The following ZC3H12B variants were observed in gnomAD, a reference collection of about 807,000 sequenced individuals.
ZC3H12B encodes probable ribonuclease ZC3H12B.
In ZC3H12B, 7 loss-of-function variants were observed where a neutral mutation model predicts 43.9. The observed-to-expected ratio is 0.16, with a 90% CI of 0.09 to 0.30. The LOEUF is 0.30. Ranked by LOEUF, ZC3H12B falls within the 10% of genes least tolerant of loss-of-function variation. The probability of loss-of-function intolerance (pLI) is 1.00; values close to 1 mark genes in which losing one functional copy is unlikely to be tolerated. For missense variants in ZC3H12B, 475 were observed against 670.2 expected (o/e 0.71, Z 3.22); for synonymous variants, 222 against 241.7 (o/e 0.92, Z 0.76).
chrX:65,150,653 G>A, the ZC3H12B span, among the ~76,000 whole-genome samples: 1 of 111,481 alleles, frequency 9.0e-6, no homozygotes, highest in African/African-American at 3.3e-5. Context: ...CCATGTCCCT[G>A]CAAAGGACAT....
the ZC3H12B span, chrX:65,271,392 T>C: frequency 8.9e-6 from 1 of 112,831 alleles, no homozygotes; most frequent in Non-Finnish European, 1.9e-5. Flanking sequence ...TCAATGCTTA[T>C]TATTCAGCAT....
chrX:65,147,778 C>T, the ZC3H12B span, among the ~76,000 whole-genome samples: 1 of 110,784 alleles, frequency 9.0e-6, no homozygotes, highest in Non-Finnish European at 1.9e-5. Context: ...GGAGTTCATC[C>T]TGGAGCCTGG....
At chrX:65,077,664 C>T in the ZC3H12B span, among the ~76,000 whole-genome samples, 2 of 112,123 alleles carry the variant, frequency 1.8e-5, no homozygotes, top group Non-Finnish European at 3.8e-5. Flanking sequence ...TGGGGCTCTC[C>T]ACTAGGTCTC....
the ZC3H12B span, among the ~76,000 whole-genome samples, chrX:65,138,665 C>G: frequency 8.9e-6 from 1 of 111,981 alleles, no homozygotes; most frequent in Admixed American, 9.4e-5. Context: ...AACCTCCATA[C>G]AGTTTTTCAT....
chrX:65,166,899 T>A, the ZC3H12B span, among the ~76,000 whole-genome samples: 1 of 106,371 alleles, frequency 9.4e-6, no homozygotes, highest in Non-Finnish European at 1.9e-5. Flanking sequence ...ATTTGATTTT[T>A]TCTTGTAAAT....
At chrX:65,329,103 A>G in the ZC3H12B span, among the ~76,000 whole-genome samples, 11 of 111,339 alleles carry the variant, frequency 9.9e-5, no homozygotes, top group South Asian at 3.8e-4. Flanking sequence ...TTCTAGTTCT[A>G]GATCCCTGAG....
At chrX:65,207,089 A>T in the ZC3H12B span, among the ~76,000 whole-genome samples, 3 of 108,327 alleles carry the variant, frequency 2.8e-5, no homozygotes, top group African/African-American at 1.1e-4. Flanking sequence ...CATTATGGAA[A>T]TCAGTATGGG....
chrX:65,117,969 G>C, the ZC3H12B span, among the ~76,000 whole-genome samples: 1 of 111,462 alleles, frequency 9.0e-6, no homozygotes, highest in Non-Finnish European at 1.9e-5. Context: ...CTGTAGCCTT[G>C]TAGTATAGTT....
At chrX:65,212,664 A>G in the ZC3H12B span, among the ~76,000 whole-genome samples, 1 of 88,263 alleles carries the variant, frequency 1.1e-5, no homozygotes, top group East Asian at 3.4e-4. Context: ...TATTATATAT[A>G]AATATATATG....
the ZC3H12B span, among the ~76,000 whole-genome samples, chrX:65,129,280 TACAC>T: frequency 9.3e-6 from 1 of 107,630 alleles, no homozygotes; most frequent in African/African-American, 3.4e-5. Flanking sequence ...TATACATATA[TACAC>T]ACACTAGAAT....
At chrX:65,441,649 T>G (rs1360638265) in intron 3 of ZC3H12B, among the ~76,000 whole-genome samples, 1 of 112,076 alleles carries the variant, frequency 8.9e-6, no homozygotes, top group African/African-American at 3.2e-5. Context: ...GACTCCTGTA[T>G]GTATTTGTAT....
chrX:65,488,495 CTT>C (rs1233137115), upstream of ZC3H12B, among the ~76,000 whole-genome samples: 1 of 110,243 alleles, frequency 9.1e-6, no homozygotes, highest in Non-Finnish European at 1.9e-5. Context: ...ATTAGGGACT[CTT>C]TATCTTTAAT....
At chrX:65,491,536 G>A (rs1040155076) in intron 1 of ZC3H12B, among the ~76,000 whole-genome samples, 1 of 109,149 alleles carries the variant, frequency 9.2e-6, no homozygotes, top group Non-Finnish European at 1.9e-5. Flanking sequence ...GCAAAACCCT[G>A]TCTCTACTGC....
At chrX:65,499,731 A>C (rs960313168) in intron 3 of ZC3H12B, among the ~76,000 whole-genome samples, 152 bp from the exon 9 acceptor site, 3 of 111,882 alleles carry the variant, frequency 2.7e-5, no homozygotes, top group African/African-American at 9.7e-5. Flanking sequence ...AAAGGGAAGA[A>C]CTGCTAGATT....
chrX:65,159,625 T>C, the ZC3H12B span, among the ~76,000 whole-genome samples: 1 of 112,175 alleles, frequency 8.9e-6, no homozygotes, highest in African/African-American at 3.2e-5. Context: ...ATCATGAGAC[T>C]TTGCTGAAGT....
the ZC3H12B span, among the ~76,000 whole-genome samples, chrX:65,216,668 C>G: frequency 7.2e-4 from 80 of 111,685 alleles, no homozygotes; most frequent in African/African-American, 2.4e-3. Context: ...CTTTCCCCAC[C>G]ACCAGGCAGT....
chrX:65,155,044 C>T, the ZC3H12B span, among the ~76,000 whole-genome samples: 1 of 108,835 alleles, frequency 9.2e-6, no homozygotes, highest in African/African-American at 3.4e-5. Flanking sequence ...AAACATCTGC[C>T]TCCTAAGCTC....
the ZC3H12B span, among the ~76,000 whole-genome samples, chrX:65,087,292 C>G: frequency 3.6e-5 from 4 of 111,581 alleles, no homozygotes; most frequent in Admixed American, 1.9e-4. Flanking sequence ...ATCTTTCTTG[C>G]TTTTGCTTTA....
chrX:65,115,024 T>C, the ZC3H12B span, among the ~76,000 whole-genome samples: 35 of 104,582 alleles, frequency 3.3e-4, no homozygotes, highest in African/African-American at 1.1e-3. Flanking sequence ...GGTTTATATA[T>C]TTAGGGGGCA....
Sources: gnomAD v4.1 joint callset for allele counts (sites outside exome capture counted in the v4.1 genomes callset) on GRCh38, gnomAD v4.1.1 for gene constraint, MANE v1.5 for transcripts, NCBI Gene and HGNC (gene_info 2026-07-23, HGNC 2026-07-21) for gene names.